Variants in LPP observed in about 807,000 individuals in gnomAD.
LPP encodes the protein lipoma-preferred partner.
LPP carries 38 observed loss-of-function variants against 60.4 expected under a neutral mutation model. The observed-to-expected ratio is 0.63, with a 90% CI of 0.49 to 0.83. LPP has a LOEUF of 0.83. LPP is among the 40% of genes least tolerant of loss of function. The pLI, the probability that LPP is intolerant of heterozygous loss-of-function variation, is 0.00. For synonymous variants in LPP, 328 were observed against 290.8 expected, an observed-to-expected ratio of 1.13 and a Z score of -1.30; for missense variants, 902 against 783.6, an observed-to-expected ratio of 1.15 and a Z score of -1.80.
intron 3 of LPP, among the ~76,000 whole-genome samples, chr3:188,356,734 T>A (rs1226527865): frequency 6.6e-6 from 1 of 152,192 alleles, no homozygotes; most frequent in Non-Finnish European, 1.5e-5. Context: ...GAGATAAGAT[T>A]TACTAATTGA....
At chr3:188,341,859 A>G (rs1279041633) in intron 3 of LPP, 140 bp downstream of exon 3, 2 of 187,884 alleles carry the variant, frequency 1.1e-5, no homozygotes, top group Non-Finnish European at 9.9e-6. Flanking sequence ...TGGCCAAGAC[A>G]GTGAGCTGAC....
chr3:188,666,706 A>G (rs1855874505), intron 7 of LPP, among the ~76,000 whole-genome samples: 1 of 152,246 alleles, frequency 6.6e-6, no homozygotes, highest in African/African-American at 2.4e-5. Context: ...ACTCGGTGCC[A>G]ATCACTTGTC....
At chr3:188,280,724 G>T (rs9808977) in intron 2 of LPP, among the ~76,000 whole-genome samples, 2 of 151,978 alleles carry the variant, frequency 1.3e-5, no homozygotes, top group Admixed American at 1.3e-4. Context: ...ACCAGTTCCC[G>T]TTTTGTCTGG....
intron 2 of LPP, among the ~76,000 whole-genome samples, chr3:188,270,573 A>G (rs189864632): frequency 5.9e-4 from 90 of 152,364 alleles, no homozygotes; most frequent in Middle Eastern, 3.4e-3. Flanking sequence ...TGACCCAGGC[A>G]TCAGAGCTCA....
intron 5 of LPP, among the ~76,000 whole-genome samples, chr3:188,489,060 A>C (rs887929990): frequency 6.6e-6 from 1 of 152,216 alleles, no homozygotes; most frequent in African/African-American, 2.4e-5. Flanking sequence ...CACGTGTCTC[A>C]GAATTTTGGA....
At chr3:188,642,130 G>A (rs1212603232) in intron 7 of LPP, among the ~76,000 whole-genome samples, 1 of 152,068 alleles carries the variant, frequency 6.6e-6, no homozygotes, top group African/African-American at 2.4e-5. Flanking sequence ...CAGTTTTGGG[G>A]AATAGAGTAT....
chr3:188,221,749 A>G (rs534817635), intron 1 of LPP, among the ~76,000 whole-genome samples: 1 of 152,324 alleles, frequency 6.6e-6, no homozygotes, highest in Non-Finnish European at 1.5e-5. Flanking sequence ...GGTAGAATTC[A>G]GGAAAGATTT....
At chr3:188,646,680 TAGAACATTACC>T (rs1851161796) in intron 7 of LPP, among the ~76,000 whole-genome samples, 1 of 152,180 alleles carries the variant, frequency 6.6e-6, no homozygotes, top group African/African-American at 2.4e-5. Flanking sequence ...GCCACAGAAT[TAGAACATTACC>T]AGATCTTAAA....
chr3:188,587,868 C>T (rs1837824643), intron 6 of LPP, among the ~76,000 whole-genome samples: 1 of 152,174 alleles, frequency 6.6e-6, no homozygotes, highest in African/African-American at 2.4e-5. Flanking sequence ...TGTCCCCCAA[C>T]CCTACTTTGT....
intron 8 of LPP, among the ~76,000 whole-genome samples, chr3:188,726,748 G>A (rs762060497): frequency 4.6e-5 from 7 of 151,896 alleles, no homozygotes; most frequent in African/African-American, 9.7e-5. Flanking sequence ...ATTATTTCTC[G>A]TAAACAAGGC....
Position 188,442,710 on chromosome 3 carries a change from C to T in LPP, c.193+36397C>T, listed in dbSNP as rs954393012. Among the ~76,000 whole-genome samples, 18 of 152,306 alleles carry T rather than the reference C, an allele frequency of 1.2e-4. 1 individual carries two copies. The highest frequency in any genetic ancestry group is 2.6e-4 in the African/African-American group (11 of 41,572). On this transcript the variant is annotated intron_variant, in intron 4 of 11. Transcript: ENST00000617246. Reference sequence around the variant, plus strand: ...ATTATGTGGCTGTGGATTTAGTTCACACCATCACTGTGAAGAATTTTCGAA... The same window carrying T: ...ATTATGTGGCTGTGGATTTAGTTCATACCATCACTGTGAAGAATTTTCGAA...
At chr3:188,353,377 G>T (rs1766523757) in intron 3 of LPP, among the ~76,000 whole-genome samples, 1 of 152,138 alleles carries the variant, frequency 6.6e-6, no homozygotes, top group Non-Finnish European at 1.5e-5. Flanking sequence ...ATTGGCAAAT[G>T]ATTATTTTGT....
rs563535926 is a variant in LPP at position 188,864,665 on chromosome 3, A to G, written c.1411-1535A>G. Among the ~76,000 whole-genome samples, 7 of 152,362 alleles carry G rather than the reference A, an allele frequency of 4.6e-5. No individual in the cohort carries two copies. The South Asian group carries it at 1.4e-3, about 32-fold the overall frequency. ...AGGTCAAAATGGCAAATTGCGATACATCTAGGCATTAGCCAAGGCACAGAA... is the reference window on the plus strand; with the variant it reads ...AGGTCAAAATGGCAAATTGCGATACGTCTAGGCATTAGCCAAGGCACAGAA... On this transcript the variant is annotated intron_variant, in intron 9 of 11. Coordinates refer to ENST00000617246, the MANE Select transcript of LPP (RefSeq NM_001375462.1).
chr3:188,639,551 A>G (rs914432022), intron 7 of LPP, among the ~76,000 whole-genome samples: 1 of 151,060 alleles, frequency 6.6e-6, no homozygotes, highest in Non-Finnish European at 1.5e-5. Flanking sequence ...CTGCACAGCA[A>G]AAGAAACTAC....
intron 2 of LPP, among the ~76,000 whole-genome samples, chr3:188,249,794 C>A (rs1577556823): frequency 6.7e-6 from 1 of 149,916 alleles, no homozygotes; most frequent in South Asian, 2.1e-4. Flanking sequence ...TTATCATCCT[C>A]CCCCTTCCTC....
At chr3:188,417,117 A>T (rs1223687607) in intron 4 of LPP, among the ~76,000 whole-genome samples, 4 of 151,970 alleles carry the variant, frequency 2.6e-5, no homozygotes, top group African/African-American at 9.7e-5. Flanking sequence ...GGTCATTGGG[A>T]TGTGGCATCC....
At chr3:188,160,513 G>A (rs1337769312) in intron 1 of LPP, among the ~76,000 whole-genome samples, 2 of 152,176 alleles carry the variant, frequency 1.3e-5, no homozygotes, top group African/African-American at 4.8e-5. Context: ...CTTAATCCAT[G>A]CCTTTTCTTA....
intron 4 of LPP, among the ~76,000 whole-genome samples, chr3:188,474,655 T>C (rs1802723779): frequency 2.0e-5 from 3 of 152,244 alleles, no homozygotes; most frequent in Admixed American, 2.0e-4. Context: ...CTTCTTTGTT[T>C]TTACTGGTAA....
rs1007171013 is a variant in LPP at position 188,484,690 on chromosome 3, G to T, written c.292G>T (p.Ala98Ser). 10 of 1,610,568 alleles carry T rather than the reference G, an allele frequency of 6.2e-6. No individual in the cohort carries two copies. The highest frequency in any genetic ancestry group is 8.5e-6 in the Non-Finnish European group (10 of 1,176,968). ...FPPPPPLDEEAFKVQGNPGGK... is the reference protein window; with the variant it reads ...FPPPPPLDEESFKVQGNPGGK... ...TCCTCCACCACCTCTTGATGAAGAG[G>T]CTTTCAAAGTACAGGTAAGAGCTGA... The change falls in exon 5 of 12, where the codon GCT (alanine) becomes TCT (serine). Residue 98 changes from alanine to serine, a missense_variant. Coordinates refer to ENST00000617246, the MANE Select transcript of LPP (RefSeq NM_001375462.1).
Sources: allele counts gnomAD v4.1 joint callset (sites outside exome capture counted in the v4.1 genomes callset), GRCh38; gene constraint gnomAD v4.1.1; transcripts MANE v1.5; gene names NCBI Gene and HGNC (gene_info 2026-07-23, HGNC 2026-07-21).